Variants in SERGEF observed in about 807,000 individuals in gnomAD.
The protein encoded by SERGEF is secretion regulating guanine nucleotide exchange factor, also known as secretion-regulating guanine nucleotide exchange factor.
In SERGEF, 51 loss-of-function variants were observed where a neutral mutation model predicts 50.0. The ratio of observed to expected loss-of-function variants is 1.02; its 90% CI spans 0.81 to 1.29. The LOEUF (loss-of-function observed/expected upper bound fraction) is 1.29. Among genes scored for constraint, SERGEF ranks in the 50% most tolerant of loss-of-function variants. The pLI, the probability that SERGEF is intolerant of heterozygous loss-of-function variation, is 0.00. For synonymous variants in SERGEF, 205 were observed against 212.4 expected (o/e 0.97, Z 0.30); for missense variants, 521 against 557.0 (o/e 0.94, Z 0.65).
intron 9 of SERGEF, among the ~76,000 whole-genome samples, chr11:17,934,451 C>A (rs1038761970): frequency 8.5e-5 from 13 of 152,170 alleles, no homozygotes; most frequent in African/African-American, 2.9e-4. Context: ...CTGCCTATGT[C>A]ATTTATCTTT....
chr11:17,934,785 A>G (rs1038688647), intron 9 of SERGEF, among the ~76,000 whole-genome samples: 7 of 152,212 alleles, frequency 4.6e-5, no homozygotes, highest in Non-Finnish European at 7.3e-5. Flanking sequence ...TTCTTTTTGC[A>G]TAAGTAAATG....
At chr11:17,975,584 G>A (rs1449997391) in intron 8 of SERGEF, among the ~76,000 whole-genome samples, 2 of 152,144 alleles carry the variant, frequency 1.3e-5, no homozygotes, top group African/African-American at 2.4e-5. Flanking sequence ...CTGAGCCCCT[G>A]AAAGGGGCTC....
At chr11:17,930,610 A>T (rs1416465959) in intron 9 of SERGEF, among the ~76,000 whole-genome samples, 1 of 152,198 alleles carries the variant, frequency 6.6e-6, no homozygotes, top group Admixed American at 6.5e-5. Context: ...TGCTGTCCAT[A>T]GGTAACTTAA....
intron 10 of SERGEF, among the ~76,000 whole-genome samples, chr11:17,858,878 A>G: frequency 6.6e-6 from 1 of 152,136 alleles, no homozygotes; most frequent in African/African-American, 2.4e-5. Flanking sequence ...GAGGGACACC[A>G]GACTGGAATC....
chr11:17,793,852 T>C (rs1032923384), intron 10 of SERGEF, among the ~76,000 whole-genome samples: 3 of 152,210 alleles, frequency 2.0e-5, no homozygotes, highest in South Asian at 2.1e-4. Flanking sequence ...TGACGAGTGA[T>C]GGAGCTCACA....
chr11:17,794,069 G>C (rs1849532711), intron 10 of SERGEF, among the ~76,000 whole-genome samples: 1 of 152,212 alleles, frequency 6.6e-6, no homozygotes, highest in Non-Finnish European at 1.5e-5. Context: ...TTCTGCTGGA[G>C]GACGTTGCCA....
chr11:17,829,346 T>C (rs1205941543), intron 10 of SERGEF, among the ~76,000 whole-genome samples: 3 of 152,248 alleles, frequency 2.0e-5, no homozygotes, highest in Non-Finnish European at 4.4e-5. Context: ...AGGTAGTACC[T>C]GAGGTTCTCC....
intron 9 of SERGEF, among the ~76,000 whole-genome samples, chr11:17,922,472 C>T (rs1373817619): frequency 6.6e-6 from 1 of 152,168 alleles, no homozygotes; most frequent in Non-Finnish European, 1.5e-5. Context: ...TTGCAGAAAA[C>T]ATTGGGGTTT....
At chr11:17,953,875 C>T (rs1852814016) in intron 9 of SERGEF, among the ~76,000 whole-genome samples, 1 of 152,212 alleles carries the variant, frequency 6.6e-6, no homozygotes, top group Non-Finnish European at 1.5e-5. Context: ...TCTGAGTGTT[C>T]ATGGGGACAA....
At chr11:17,944,882 A>T (rs1325695464) in intron 9 of SERGEF, among the ~76,000 whole-genome samples, 1 of 152,258 alleles carries the variant, frequency 6.6e-6, no homozygotes, top group Non-Finnish European at 1.5e-5. Flanking sequence ...TAAAAGATCA[A>T]ATAGTACAGA....
At chr11:17,924,531 G>A (rs1174863484) in intron 9 of SERGEF, among the ~76,000 whole-genome samples, 1 of 152,144 alleles carries the variant, frequency 6.6e-6, no homozygotes, top group Non-Finnish European at 1.5e-5. Flanking sequence ...TCTCCTGGAA[G>A]ATACTGAAAA....
chr11:17,902,104 CA>C (rs1851758018), intron 9 of SERGEF, among the ~76,000 whole-genome samples: 1 of 152,126 alleles, frequency 6.6e-6, no homozygotes, highest in South Asian at 2.1e-4. Flanking sequence ...TTATAGTTTG[CA>C]AAGAAACATT....
chr11:17,927,929 G>A (rs1434778534), intron 9 of SERGEF, among the ~76,000 whole-genome samples: 4 of 152,232 alleles, frequency 2.6e-5, no homozygotes, highest in Non-Finnish European at 5.9e-5. Flanking sequence ...GGACTTTACT[G>A]AATGTGATTA....
rs190305624 is a variant in SERGEF at position 17,823,570 on chromosome 11, G to A, written c.1049-35157C>T. Among the ~76,000 whole-genome samples the A allele has an allele frequency of 3.8e-3, 575 of 152,276 alleles. 1 individual carries two copies. Among genetic ancestry groups the A allele is most frequent in the Non-Finnish European group, 6.6e-3 (447 of 68,026 alleles). ...GCATATCTGGGGAACAGGGCTGGGG[G>A]CAAGGTATTGGCAAACGGGGGAAGA... On this transcript the variant is annotated intron_variant, in intron 10 of 10. Transcript: ENST00000265965.
rs771833137 is a variant in SERGEF, at chr11:17,988,659, C to G, written c.782G>C (p.Cys261Ser). ...LPVPQKIEAH[C>S]FQNEKVTAIW... is the part of the protein sequence containing the mutation. Reference sequence around the variant, plus strand: ...GGCAGTGACCTTTTCATTCTGGAAACAATGTGCTTCTATTTTCTGGGGCAC... The same window carrying G: ...GGCAGTGACCTTTTCATTCTGGAAAGAATGTGCTTCTATTTTCTGGGGCAC... The change falls in exon 8 of 11, where the codon TGT (cysteine) becomes TCT (serine). Residue 261 changes from cysteine (C) to serine (S), a missense_variant. Cys to Ser is a moderately radical substitution (Grantham distance 112, BLOSUM62 -1). Transcript: ENST00000265965. 2 of 1,614,130 alleles carry G rather than the reference C, an allele frequency of 1.2e-6. No homozygotes were observed. Among genetic ancestry groups the G allele is most frequent in the Middle Eastern group, 1.7e-4 (1 of 6,054 alleles).
intron 9 of SERGEF, among the ~76,000 whole-genome samples, chr11:17,937,206 T>TA (rs1565209671): frequency 6.6e-6 from 1 of 152,102 alleles, no homozygotes; most frequent in Non-Finnish European, 1.5e-5. Flanking sequence ...CTCATATTTT[T>TA]AAAAAATACG....
At chr11:17,812,070 C>T (rs765989) in intron 10 of SERGEF, among the ~76,000 whole-genome samples, 77,447 of 152,042 alleles carry the variant, frequency 0.51, 20,307 homozygotes, top group East Asian at 0.86. Context: ...CCTCCATCTG[C>T]AGAAGGGGCA....
chr11:17,853,848 T>G (rs1350891279), intron 10 of SERGEF: 3 of 151,244 alleles, frequency 2.0e-5, no homozygotes, highest in African/African-American at 7.3e-5. Flanking sequence ...AAAAAAAACA[T>G]ATATACACAC....
rs763972184 is a variant in SERGEF, at chr11:17,815,436, T to TAAA, written c.1049-27026_1049-27024dup. Among the ~76,000 whole-genome samples, 1,015 of 108,340 alleles carry TAAA rather than the reference T, an allele frequency of 9.4e-3. 17 individuals carry two copies. The highest frequency in any genetic ancestry group is 0.021 in the East Asian group (78 of 3,798). 71.1% of individuals were successfully genotyped at this position (108,340 alleles called of 152,430 possible). A position where few individuals can be genotyped will look rare whatever the true frequency, so the allele number is the denominator to read the frequency against. ...AAACATCGTGAAACCCCATCTCTAC[T>TAAA]AAAAAAAAAAAAAAAAAAAAATACA... On this transcript the variant is annotated intron_variant, in intron 10 of 10. Coordinates refer to ENST00000265965, the MANE Select transcript of SERGEF (RefSeq NM_012139.4).
Sources: allele counts gnomAD v4.1 joint callset (sites outside exome capture counted in the v4.1 genomes callset), GRCh38; gene constraint gnomAD v4.1.1; transcripts MANE v1.5; gene names NCBI Gene and HGNC (gene_info 2026-07-23, HGNC 2026-07-21).